SH3RF3: variants seen among roughly 807,000 people sequenced by gnomAD.
SH3RF3 encodes SH3 domain containing ring finger 3, also known as E3 ubiquitin-protein ligase SH3RF3.
In SH3RF3, 29 loss-of-function variants were observed where a neutral mutation model predicts 66.3. The ratio of observed to expected loss-of-function variants is 0.44; its 90% CI spans 0.33 to 0.60. The LOEUF is 0.60. Among genes scored for constraint, SH3RF3 ranks in the 20% least tolerant of loss-of-function variants. The pLI, the probability that SH3RF3 is intolerant of heterozygous loss-of-function variation, is 0.04. For synonymous variants in SH3RF3, 583 were observed against 532.0 expected (o/e 1.10, Z -1.32); for missense variants, 1,194 against 1,190.9 (o/e 1.00, Z -0.04).
At position 109,129,441 on chromosome 2, in the gene SH3RF3, G is replaced by C. The variant is rs926409970; in HGVS notation, c.-100G>C. 3.4e-6 allele frequency: 5 copies of C among 1,490,400 alleles called. No homozygotes were observed. The Admixed American group carries it at 1.0e-4, about 31-fold the overall frequency. 92.3% of individuals were successfully genotyped at this position (1,490,400 alleles called of 1,614,324 possible). A position where few individuals can be genotyped will look rare whatever the true frequency, so the allele number is the denominator to read the frequency against. Reference sequence around the variant, plus strand: ...AGCCGGGGTGAAGAAAGTCACGGCGGAGCCCGGCTCCCCAGTCCTGATGCT... The same window carrying C: ...AGCCGGGGTGAAGAAAGTCACGGCGCAGCCCGGCTCCCCAGTCCTGATGCT... On this transcript the variant is annotated 5_prime_UTR_variant, in exon 1 of 10. Transcript: ENST00000309415.
At chr2:109,157,860 A>C (rs1314893231) in intron 1 of SH3RF3, among the ~76,000 whole-genome samples, 1 of 152,108 alleles carries the variant, frequency 6.6e-6, no homozygotes, top group Non-Finnish European at 1.5e-5. Context: ...GATTAAGGCC[A>C]CACAGCTCTC....
At chr2:109,480,208 C>CA (rs1559105963) in intron 8 of SH3RF3, among the ~76,000 whole-genome samples, 1 of 152,226 alleles carries the variant, frequency 6.6e-6, no homozygotes, top group Non-Finnish European at 1.5e-5. Flanking sequence ...TGCATGGCAC[C>CA]AAACATCTGT....
At chr2:109,342,099 G>A (rs1252592583) in intron 1 of SH3RF3, among the ~76,000 whole-genome samples, 1 of 152,224 alleles carries the variant, frequency 6.6e-6, no homozygotes. Flanking sequence ...TACAGGTCTG[G>A]AGACTGCAGG....
intron 8 of SH3RF3, among the ~76,000 whole-genome samples, chr2:109,463,641 C>T (rs752501500): frequency 1.3e-5 from 2 of 152,172 alleles, no homozygotes; most frequent in Non-Finnish European, 2.9e-5. Flanking sequence ...GGGGAAGAAG[C>T]CATCAGACCC....
chr2:109,336,834 C>T (rs957099224), intron 1 of SH3RF3, among the ~76,000 whole-genome samples: 2 of 152,196 alleles, frequency 1.3e-5, no homozygotes, highest in Non-Finnish European at 1.5e-5. Context: ...GAGGGACCCT[C>T]TCCTGCTCCA....
At chr2:109,397,606 C>T (rs1573219008) in intron 3 of SH3RF3, among the ~76,000 whole-genome samples, 1 of 152,280 alleles carries the variant, frequency 6.6e-6, no homozygotes, top group Middle Eastern at 3.4e-3. Flanking sequence ...CACTGTCACT[C>T]ACAGATGGTG....
chr2:109,450,359 G>T (rs201014269), intron 8 of SH3RF3, among the ~76,000 whole-genome samples: 25 of 110,424 alleles, frequency 2.3e-4, no homozygotes, highest in Admixed American at 1.2e-3. Flanking sequence ...AAAAAAAAAA[G>T]AAAAAGAAAG....
intron 8 of SH3RF3, among the ~76,000 whole-genome samples, chr2:109,458,446 C>T (rs1455343992): frequency 2.0e-5 from 3 of 152,130 alleles, no homozygotes; most frequent in Non-Finnish European, 2.9e-5. Flanking sequence ...TACAACTCCC[C>T]TAGACTTCAG....
chr2:109,421,619 T>C (rs930277783), intron 5 of SH3RF3, among the ~76,000 whole-genome samples: 3 of 152,230 alleles, frequency 2.0e-5, no homozygotes, highest in African/African-American at 4.8e-5. Context: ...ACAGGGTTGC[T>C]GTGACCTCTA....
chr2:109,478,697 G>GA (rs1255109110), intron 8 of SH3RF3, among the ~76,000 whole-genome samples: 5 of 152,154 alleles, frequency 3.3e-5, no homozygotes, highest in African/African-American at 1.2e-4. Context: ...GGGGAAGGGA[G>GA]AGAGGGGGAG....
rs928617136 is a variant in SH3RF3 at position 109,216,191 on chromosome 2, G to C, written c.573+86078G>C. Among the ~76,000 whole-genome samples, 3 of 152,178 alleles carry C rather than the reference G, an allele frequency of 2.0e-5. No homozygotes were observed. The East Asian group carries it at 5.8e-4, about 29-fold the overall frequency. ...AGAGAGAGTGAACTGGGATCCACTA[G>C]GCACCTGCCCATCATTGCATCTACT... On this transcript the variant is annotated intron_variant, in intron 1 of 9. Transcript: ENST00000309415.
At chr2:109,405,839 A>C (rs866257228) in intron 4 of SH3RF3, among the ~76,000 whole-genome samples, 12 of 152,218 alleles carry the variant, frequency 7.9e-5, no homozygotes, top group Admixed American at 1.3e-4. Flanking sequence ...CCTTGAAGGC[A>C]GGGCTAGGTG....
intron 1 of SH3RF3, among the ~76,000 whole-genome samples, chr2:109,276,213 A>T (rs1490924638): frequency 6.6e-6 from 1 of 152,206 alleles, no homozygotes; most frequent in Admixed American, 6.5e-5. Context: ...ACATCACCAT[A>T]TGTGTGAGTC....
chr2:109,227,195 C>G (rs1679392338), intron 1 of SH3RF3, among the ~76,000 whole-genome samples: 2 of 152,128 alleles, frequency 1.3e-5, no homozygotes, highest in Non-Finnish European at 2.9e-5. Flanking sequence ...GTGTTTTCTC[C>G]TGAAATTGAG....
intron 1 of SH3RF3, among the ~76,000 whole-genome samples, chr2:109,198,331 T>C (rs1041590450): frequency 2.6e-5 from 4 of 151,932 alleles, no homozygotes; most frequent in African/African-American, 9.7e-5. Context: ...TTATCAACAG[T>C]GCAAGACAGG....
intron 4 of SH3RF3, among the ~76,000 whole-genome samples, chr2:109,401,107 C>T (rs1337004615): frequency 2.0e-5 from 3 of 152,198 alleles, no homozygotes; most frequent in Non-Finnish European, 4.4e-5. Context: ...CTTATTCTTG[C>T]TCAAACATCC....
At chr2:109,286,624 C>T (rs182215602) in intron 1 of SH3RF3, among the ~76,000 whole-genome samples, 3 of 152,336 alleles carry the variant, frequency 2.0e-5, no homozygotes, top group African/African-American at 7.2e-5. Flanking sequence ...CTTCCACACC[C>T]ATGATTCTAA....
Position 109,352,924 on chromosome 2 carries a change from T to A in SH3RF3, c.849+4975T>A, listed in dbSNP as rs764261733. ...TTGCAGGCAAAGCTTGGGCTGTATCTGAAGCTTTGCCAGAAATTTTCAGAA... is the reference window on the plus strand; with the variant it reads ...TTGCAGGCAAAGCTTGGGCTGTATCAGAAGCTTTGCCAGAAATTTTCAGAA... On this transcript the variant is annotated intron_variant, in intron 2 of 9. Coordinates refer to ENST00000309415, the MANE Select transcript of SH3RF3 (RefSeq NM_001099289.3). 2.6e-5 allele frequency among the ~76,000 whole-genome samples: 4 copies of A among 152,392 alleles called. No individual in the cohort carries two copies. The South Asian group carries it at 6.2e-4, about 24-fold the overall frequency.
At chr2:109,263,253 G>T (rs1026469529) in intron 1 of SH3RF3, among the ~76,000 whole-genome samples, 26 of 152,158 alleles carry the variant, frequency 1.7e-4, no homozygotes, top group African/African-American at 6.0e-4. Context: ...TTTTATGTTG[G>T]TTTAAATTAT....
Sources: gnomAD v4.1 joint callset for allele counts (sites outside exome capture counted in the v4.1 genomes callset) on GRCh38, gnomAD v4.1.1 for gene constraint, MANE v1.5 for transcripts, NCBI Gene and HGNC (gene_info 2026-07-23, HGNC 2026-07-21) for gene names.